Variants in FBLN2 observed in about 807,000 individuals in gnomAD.
FBLN2 encodes fibulin-2.
A neutral mutation model predicts 123.7 loss-of-function variants in FBLN2; 81 were observed. That is an observed-to-expected ratio of 0.65 (90% CI 0.55 to 0.79). The LOEUF is 0.79. Among genes scored for constraint, FBLN2 ranks in the 30% least tolerant of loss-of-function variants. FBLN2 has a pLI of 0.00. For missense variants in FBLN2, 1,603 were observed against 1,681.3 expected (o/e 0.95, Z 0.81); for synonymous variants, 699 against 701.4 (o/e 1.00, Z 0.05).
chr3:13,622,031 G>A, intron 9 of FBLN2, 116 bp downstream of exon 9: 1 of 1,213,990 alleles, frequency 8.2e-7, no homozygotes, highest in Non-Finnish European at 1.1e-6. Flanking sequence ...TGAGCTCTCA[G>A]CACAGCCGGC....
intron 1 of FBLN2, among the ~76,000 whole-genome samples, chr3:13,549,433 G>T (rs993302141): frequency 4.6e-5 from 7 of 151,816 alleles, no homozygotes; most frequent in African/African-American, 1.7e-4. Context: ...ACAGATGCGG[G>T]CACAGAGGCC....
intron 4 of FBLN2, among the ~76,000 whole-genome samples, chr3:13,612,078 G>T (rs73042931): frequency 0.012 from 1,901 of 152,234 alleles, 24 homozygotes; most frequent in Non-Finnish European, 0.02. Context: ...GACAGAGACC[G>T]CTGGATGGTT....
At position 13,554,947 on chromosome 3, in the gene FBLN2, CTTTTT is replaced by C. The variant is rs199976666; in HGVS notation, c.-42+5757_-42+5761del. Among the ~76,000 whole-genome samples the C allele has an allele frequency of 8.9e-3, 1,267 of 141,630 alleles. 19 individuals carry two copies. The highest frequency in any genetic ancestry group is 0.032 in the African/African-American group (1,213 of 38,220). 92.9% of individuals were successfully genotyped at this position (141,630 alleles called of 152,430 possible). A position where few individuals can be genotyped will look rare whatever the true frequency, so the allele number is the denominator to read the frequency against. On this transcript the variant is annotated intron_variant, in intron 1 of 17. Coordinates refer to ENST00000404922, the MANE Select transcript of FBLN2 (RefSeq NM_001004019.2). ...CCCTTCCCTGTTTTGCTTATATTTA[CTTTTT>C]TTTTTTTTTTTTTTTTTAAATACTG...
At chr3:13,576,404 A>G (rs758082485) in intron 2 of FBLN2, among the ~76,000 whole-genome samples, 3 of 152,226 alleles carry the variant, frequency 2.0e-5, no homozygotes, top group Non-Finnish European at 4.4e-5. Flanking sequence ...ATGCCAGGAC[A>G]TGCTCAGAGC....
chr3:13,569,098 CA>C (rs1703837879), intron 1 of FBLN2: 1 of 977,946 alleles, frequency 1.0e-6, no homozygotes, highest in African/African-American at 1.8e-5. Flanking sequence ...CACTGGGTCA[CA>C]AGTGGGGCTA....
At chr3:13,587,617 A>G (rs6442398) in intron 2 of FBLN2, among the ~76,000 whole-genome samples, 34,524 of 152,206 alleles carry the variant, frequency 0.23, 5,385 homozygotes, top group East Asian at 0.44. Flanking sequence ...GGTTCAGGCC[A>G]TGAAGGGAAG....
At chr3:13,584,742 C>T (rs1042035942) in intron 2 of FBLN2, among the ~76,000 whole-genome samples, 17 of 152,134 alleles carry the variant, frequency 1.1e-4, no homozygotes, top group African/African-American at 3.6e-4. Context: ...GATGGCCGTG[C>T]GGGTATGGTG....
chr3:13,621,668 C>G (rs1368368848), intron 8 of FBLN2, 107 bp from the exon 9 acceptor site: 1 of 1,258,892 alleles, frequency 7.9e-7, no homozygotes, highest in African/African-American at 1.5e-5. Flanking sequence ...AGGCCCCAGA[C>G]AGGCCCCTGC....
chr3:13,608,633 T>G (rs959333978), intron 3 of FBLN2, among the ~76,000 whole-genome samples: 2 of 152,210 alleles, frequency 1.3e-5, no homozygotes, highest in African/African-American at 4.8e-5. Context: ...GGTTGTTTCT[T>G]CTGACTCTGA....
chr3:13,618,201 C>T lies in FBLN2; in HGVS notation c.1855C>T (p.Leu619Phe), dbSNP rs749227498. Residue 619 changes from leucine to phenylalanine, a missense_variant, in exon 6 of 18, where the codon CTT (leucine) becomes TTT (phenylalanine). By Grantham distance (22) the Leu-to-Phe change is conservative. Coordinates refer to ENST00000404922, the MANE Select transcript of FBLN2 (RefSeq NM_001004019.2). ...LLLPGELCQH[L>F]CINTVGSYHC... Reference sequence around the variant, plus strand: ...CCTCCCGGGAGAGCTGTGCCAGCACCTTTGCATCAATACTGTGGGTTCTTA... The same window carrying T: ...CCTCCCGGGAGAGCTGTGCCAGCACTTTTGCATCAATACTGTGGGTTCTTA... The T allele has an allele frequency of 6.8e-6, 11 of 1,613,810 alleles. No individual in the cohort carries two copies. In the South Asian group the frequency reaches 1.2e-4, roughly 18 times the overall value.
chr3:13,585,574 C>G (rs562333679), intron 2 of FBLN2, among the ~76,000 whole-genome samples: 4 of 152,318 alleles, frequency 2.6e-5, no homozygotes, highest in African/African-American at 7.2e-5. Flanking sequence ...GTAGCCATTA[C>G]TCGTGTTTGT....
chr3:13,582,774 C>T (rs1383811578), intron 2 of FBLN2, among the ~76,000 whole-genome samples: 1 of 152,222 alleles, frequency 6.6e-6, no homozygotes, highest in Non-Finnish European at 1.5e-5. Context: ...GAGTGCTGCT[C>T]CGGGCCACGG....
At chr3:13,598,097 G>C (rs1462905772) in intron 2 of FBLN2, among the ~76,000 whole-genome samples, 1 of 152,248 alleles carries the variant, frequency 6.6e-6, no homozygotes, top group African/African-American at 2.4e-5. Flanking sequence ...AGGAGGCAGG[G>C]TAGGCGTGGC....
chr3:13,618,458 A>G (rs768875644), intron 6 of FBLN2, among the ~76,000 whole-genome samples, 173 bp downstream of exon 6: 1 of 152,220 alleles, frequency 6.6e-6, no homozygotes, highest in Non-Finnish European at 1.5e-5. Flanking sequence ...CAGGAAAAAT[A>G]GAAGCTTTCT....
At position 13,571,420 on chromosome 3, in the gene FBLN2, C is replaced by T. The variant is rs368214302; in HGVS notation, c.1065C>T (p.Gly355=). ...QATSRSTGPE[G]VTHAPSLGKA... ...CGTCCCGCAGCACTGGGCCGGAGGG[C>T]GTGACGCATGCACCGAGCCTGGGCA... The change falls in exon 2 of 18, where the codon GGC becomes GGT. Residue 355 remains glycine (G), a synonymous_variant. Transcript: ENST00000404922. The T allele has an allele frequency of 2.7e-5, 44 of 1,612,762 alleles. No homozygotes were observed. The African/African-American group carries it at 3.5e-4, about 13-fold the overall frequency.
chr3:13,618,841 C>A, intron 6 of FBLN2, 63 bp from the exon 7 acceptor site: 1 of 1,241,844 alleles, frequency 8.1e-7, no homozygotes, highest in Non-Finnish European at 1.2e-6. Flanking sequence ...CCTGGAAGTG[C>A]CTGAGGCCTG....
intron 2 of FBLN2, among the ~76,000 whole-genome samples, chr3:13,580,555 G>C (rs745915368): frequency 6.6e-6 from 1 of 152,146 alleles, no homozygotes; most frequent in Non-Finnish European, 1.5e-5. Flanking sequence ...AAATTAAGCA[G>C]GTTCTGGACT....
chr3:13,608,635 T>C (rs1260504877), intron 3 of FBLN2, among the ~76,000 whole-genome samples: 1 of 152,208 alleles, frequency 6.6e-6, no homozygotes, highest in Non-Finnish European at 1.5e-5. Context: ...TTGTTTCTTC[T>C]GACTCTGATA....
chr3:13,629,915 C>T lies in FBLN2; in HGVS notation c.2938C>T (p.Leu980=). 1 of 1,609,758 alleles carries T rather than the reference C, an allele frequency of 6.2e-7. No individual in the cohort carries two copies. The highest frequency in any genetic ancestry group is 8.5e-7 in the Non-Finnish European group (1 of 1,178,644). ...SYRCSCASGF[L]LAADGKRCED... is the part of the protein sequence containing the mutation. ...CCGCTGTTCCTGCGCCTCCGGGTTC[C>T]TGCTAGCAGCGGACGGCAAGCGCTG... The change falls in exon 14 of 18, where the codon CTG becomes TTG. Residue 980 remains leucine (L), a synonymous_variant. Transcript: ENST00000404922.
Sources: gnomAD v4.1 joint callset for allele counts (sites outside exome capture counted in the v4.1 genomes callset) on GRCh38, gnomAD v4.1.1 for gene constraint, MANE v1.5 for transcripts, NCBI Gene and HGNC (gene_info 2026-07-23, HGNC 2026-07-21) for gene names.